The following FRMD4A variants were observed in gnomAD, a reference collection of about 807,000 sequenced individuals.
FRMD4A encodes FERM domain-containing protein 4A.
Under a neutral mutation model 129.1 loss-of-function variants are expected in FRMD4A, and 29 were observed. That is an observed-to-expected ratio of 0.22 (90% CI 0.17 to 0.31). The LOEUF is 0.31. FRMD4A is among the 10% of genes least tolerant of loss of function. FRMD4A has a pLI of 1.00. For missense variants in FRMD4A, 1,272 were observed against 1,375.8 expected, an observed-to-expected ratio of 0.92 and a Z score of 1.19; for synonymous variants, 634 against 571.6, an observed-to-expected ratio of 1.11 and a Z score of -1.56.
intron 17 of FRMD4A, 125 bp downstream of exon 17, chr10:13,670,281 G>A: frequency 1.1e-6 from 1 of 935,066 alleles, no homozygotes; most frequent in Admixed American, 2.0e-5. Flanking sequence ...TCAAGAAAAG[G>A]TATGAGCGAA....
intron 2 of FRMD4A, among the ~76,000 whole-genome samples, chr10:14,021,369 T>A (rs969818188): frequency 6.8e-6 from 1 of 147,934 alleles, no homozygotes; most frequent in Non-Finnish European, 1.5e-5. Flanking sequence ...TAACAAGACC[T>A]CATCTCCACA....
chr10:13,946,700 G>A (rs1001875708), intron 2 of FRMD4A, among the ~76,000 whole-genome samples: 36 of 152,134 alleles, frequency 2.4e-4, no homozygotes, highest in African/African-American at 8.7e-4. Flanking sequence ...TTGGTCCACT[G>A]AAGACCAGCA....
At position 14,058,508 on chromosome 10, in the gene FRMD4A, G is replaced by T. The variant is rs552190421; in HGVS notation, c.46-199596C>A. ...ATAACATCCATGTTACCATTCATAT[G>T]CAAGACTCCATTTTCCATAGTGTGG... is the stretch of plus-strand genomic sequence containing the variant. On this transcript the variant is annotated intron_variant, in intron 2 of 24. Transcript: ENST00000357447. Among the ~76,000 whole-genome samples the T allele has an allele frequency of 4.6e-5, 7 of 152,254 alleles. No individual in the cohort carries two copies. In the East Asian group the frequency reaches 1.4e-3, roughly 29 times the overall value.
intron 2 of FRMD4A, among the ~76,000 whole-genome samples, chr10:14,245,089 T>C (rs796974776): frequency 3.9e-5 from 6 of 152,278 alleles, no homozygotes; most frequent in African/African-American, 1.4e-4. Context: ...AGCTGTGAAA[T>C]GGGAGTACTA....
At chr10:13,689,864 A>G (rs147422383) in intron 15 of FRMD4A, among the ~76,000 whole-genome samples, 9 of 151,900 alleles carry the variant, frequency 5.9e-5, no homozygotes, top group Non-Finnish European at 1.2e-4. Context: ...TGCTGGGGTG[A>G]ATATTCCTAA....
Position 13,821,055 on chromosome 10 carries a change from T to C in FRMD4A, c.112-10147A>G, listed in dbSNP as rs142453268. 1.3e-5 allele frequency among the ~76,000 whole-genome samples: 2 copies of C among 152,184 alleles called. No homozygotes were observed. Among genetic ancestry groups the C allele is most frequent in the Non-Finnish European group, 2.9e-5 (2 of 68,018 alleles). On this transcript the variant is annotated intron_variant, in intron 3 of 24. Transcript: ENST00000357447. This position sits in a 1 kb window ranked among gnomAD's most constrained non-coding sequence, Gnocchi z 4.3. ...CTGAAGCCTGGGCTGTCACTGTGTG[T>C]CCCTCTCCATCCCCATGGGGGCTCT...
intron 2 of FRMD4A, among the ~76,000 whole-genome samples, chr10:13,932,452 T>G (rs2797891): frequency 0.23 from 34,727 of 152,116 alleles, 4,244 homozygotes; most frequent in Non-Finnish European, 0.26. Flanking sequence ...GCTGGTGACT[T>G]TGCAGATGCC....
At chr10:14,204,657 T>C (rs1205259255) in intron 2 of FRMD4A, among the ~76,000 whole-genome samples, 1 of 152,038 alleles carries the variant, frequency 6.6e-6, no homozygotes. Context: ...TGCAGGACCC[T>C]CTCTTTTTCT....
At chr10:14,104,129 ACTGCCATTGAGGTTACG>A (rs886392762) in intron 2 of FRMD4A, among the ~76,000 whole-genome samples, 3 of 152,168 alleles carry the variant, frequency 2.0e-5, no homozygotes, top group African/African-American at 7.2e-5. Context: ...CAAGGTCTAC[ACTGCCATTGAGGTTACG>A]CTGCCATTGA....
chr10:13,844,268 C>T (rs1221445638), intron 3 of FRMD4A, among the ~76,000 whole-genome samples: 1 of 151,928 alleles, frequency 6.6e-6, no homozygotes, highest in Non-Finnish European at 1.5e-5. Context: ...TATGTTAAAC[C>T]AATGTTTAAT....
chr10:13,651,705 G>A (rs1264998659), intron 24 of FRMD4A, 198 bp downstream of exon 24: 1 of 584,324 alleles, frequency 1.7e-6, no homozygotes, highest in African/African-American at 1.9e-5. Flanking sequence ...TCTTTTCTGG[G>A]AAGCAGTGTT....
At chr10:14,253,643 C>T (rs1844514132) in intron 2 of FRMD4A, among the ~76,000 whole-genome samples, 1 of 152,212 alleles carries the variant, frequency 6.6e-6, no homozygotes, top group Non-Finnish European at 1.5e-5. Flanking sequence ...AAAACTCTCC[C>T]CTTACCCAGC....
intron 2 of FRMD4A, among the ~76,000 whole-genome samples, chr10:14,096,329 C>A (rs1836959360): frequency 6.6e-6 from 1 of 152,194 alleles, no homozygotes; most frequent in Admixed American, 6.5e-5. Context: ...GCCTCCAAAA[C>A]TGTGAGCGAT....
chr10:14,325,838 C>A (rs899020758), intron 2 of FRMD4A, among the ~76,000 whole-genome samples: 1 of 152,154 alleles, frequency 6.6e-6, no homozygotes, highest in African/African-American at 2.4e-5. Flanking sequence ...ACTCATAGAA[C>A]AGCAGGTTAC....
At chr10:13,892,006 T>G (rs1303182208) in intron 2 of FRMD4A, among the ~76,000 whole-genome samples, 1 of 149,472 alleles carries the variant, frequency 6.7e-6, no homozygotes, top group Non-Finnish European at 1.5e-5. Context: ...CGCCCGATCC[T>G]GGACAACAAT....
intron 2 of FRMD4A, among the ~76,000 whole-genome samples, chr10:14,069,957 G>A (rs1835239705): frequency 6.6e-6 from 1 of 151,902 alleles, no homozygotes; most frequent in Admixed American, 6.6e-5. Context: ...TGCCTCTGGG[G>A]CCAATCTGTT....
At chr10:14,055,438 TACACACAC>T (rs71388154) in intron 2 of FRMD4A, among the ~76,000 whole-genome samples, 1 of 136,956 alleles carries the variant, frequency 7.3e-6, no homozygotes, top group South Asian at 2.3e-4. Flanking sequence ...CTGATCTAGC[TACACACAC>T]ACACACACAC....
intron 5 of FRMD4A, among the ~76,000 whole-genome samples, chr10:13,792,902 G>A (rs2093034128): frequency 1.3e-5 from 2 of 152,336 alleles, no homozygotes; most frequent in East Asian, 1.9e-4. Flanking sequence ...GCTTATAGAG[G>A]AGATGCTATC....
intron 15 of FRMD4A, among the ~76,000 whole-genome samples, chr10:13,687,505 C>T (rs943102): frequency 0.36 from 54,252 of 152,028 alleles, 10,953 homozygotes; most frequent in African/African-American, 0.56. Flanking sequence ...TTTCAAGTAA[C>T]ATGAGATGGG....
Sources: allele counts gnomAD v4.1 joint callset (sites outside exome capture counted in the v4.1 genomes callset), GRCh38; gene constraint gnomAD v4.1.1; non-coding constraint Gnocchi (gnomAD v3.1); transcripts MANE v1.5; gene names NCBI Gene and HGNC (gene_info 2026-07-23, HGNC 2026-07-21).